The following GIGYF2 variants were observed in gnomAD, a reference collection of about 807,000 sequenced individuals.
GIGYF2 encodes GRB10-interacting GYF protein 2.
GIGYF2 carries 25 observed loss-of-function variants against 208.1 expected under a neutral mutation model. The observed-to-expected ratio is 0.12, with a 90% confidence interval of 0.09 to 0.17. The LOEUF (loss-of-function observed/expected upper bound fraction) is 0.17, where lower values mean the gene tolerates loss of function less well. GIGYF2 is among the 10% of genes least tolerant of loss of function. The pLI is 1.00. For synonymous variants in GIGYF2, 534 were observed against 543.8 expected (o/e 0.98, Z 0.25); for missense variants, 1,302 against 1,579.4 (o/e 0.82, Z 2.98).
At chr2:232,812,041 T>G (rs971024981) in intron 17 of GIGYF2, among the ~76,000 whole-genome samples, 1 of 152,222 alleles carries the variant, frequency 6.6e-6, no homozygotes, top group African/African-American at 2.4e-5. Flanking sequence ...TTTTTCATTA[T>G]AATATGCTGT....
intron 9 of GIGYF2, 53 bp downstream of exon 9, chr2:232,787,382 G>A: frequency 6.9e-7 from 1 of 1,442,650 alleles, no homozygotes; most frequent in South Asian, 1.2e-5. Context: ...GGGAAAGTTT[G>A]ATGGAAATAG....
Position 232,715,085 on chromosome 2 carries a change from C to G in GIGYF2, c.-44+11596C>G, listed in dbSNP as rs537362025. Among the ~76,000 whole-genome samples, 15 of 152,240 alleles carry G rather than the reference C, an allele frequency of 9.9e-5. No individual in the cohort carries two copies. The South Asian group carries it at 1.7e-3, about 17-fold the overall frequency. Reference sequence around the variant, plus strand: ...TTGCTAAGGATAATGGTCTTCAGTTCCATCCATGTTCCTGCAAAGGACATG... The same window carrying G: ...TTGCTAAGGATAATGGTCTTCAGTTGCATCCATGTTCCTGCAAAGGACATG... On this transcript the variant is annotated intron_variant, in intron 2 of 28. Transcript: ENST00000373563.
At chr2:232,808,324 A>T (rs529759450) in intron 15 of GIGYF2, among the ~76,000 whole-genome samples, 1 of 152,362 alleles carries the variant, frequency 6.6e-6, no homozygotes, top group East Asian at 1.9e-4. Context: ...AGAAGCTAAA[A>T]GCTCATCTCT....
intron 28 of GIGYF2, among the ~76,000 whole-genome samples, chr2:232,855,224 T>C (rs1690517477): frequency 6.6e-6 from 1 of 152,004 alleles, no homozygotes; most frequent in African/African-American, 2.4e-5. Context: ...GTAGCTGGGA[T>C]TACAGGCGTG....
intron 3 of GIGYF2, chr2:232,735,931 C>T: frequency 1.0e-6 from 1 of 983,930 alleles, no homozygotes; most frequent in Non-Finnish European, 1.2e-6. Context: ...AAACCTCGGG[C>T]AACCCCTTTG....
chr2:232,729,054 C>T (rs564871493), intron 2 of GIGYF2, among the ~76,000 whole-genome samples: 1 of 152,264 alleles, frequency 6.6e-6, no homozygotes, highest in East Asian at 1.9e-4. Context: ...ACAAGGCTCA[C>T]TGCAGTCTCG....
chr2:232,791,824 C>T (rs1159620744), intron 12 of GIGYF2, among the ~76,000 whole-genome samples: 1 of 152,154 alleles, frequency 6.6e-6, no homozygotes, highest in African/African-American at 2.4e-5. Flanking sequence ...CCAGATGACA[C>T]ACCAAAATGC....
chr2:232,849,676 A>T (rs757431241), intron 27 of GIGYF2, among the ~76,000 whole-genome samples: 33 of 152,228 alleles, frequency 2.2e-4, no homozygotes, highest in Non-Finnish European at 4.0e-4. Context: ...CTGTGCCTTC[A>T]ACTGGCTCAT....
chr2:232,811,189 C>T lies in GIGYF2; in HGVS notation c.1899-55C>T, dbSNP rs60488964. 4.5e-3 allele frequency: 4,046 copies of T among 906,114 alleles called. 126 individuals are homozygous for T. In the African/African-American group the frequency reaches 0.057, roughly 13 times the overall value. 56.1% of individuals were successfully genotyped at this position (906,114 alleles called of 1,614,324 possible). A position where few individuals can be genotyped will look rare whatever the true frequency, so the allele number is the denominator to read the frequency against. The stretch of plus-strand genomic sequence containing the variant: ...TGAACTTTGTCTTTCAGCATCTCAG[C>T]CATGTGAACTAAGTGTGGATTGACA... On this transcript the variant is annotated intron_variant, in intron 16 of 28. Transcript: ENST00000373563.
At chr2:232,813,482 C>CA (rs757028957) in intron 18 of GIGYF2, among the ~76,000 whole-genome samples, 9 of 152,180 alleles carry the variant, frequency 5.9e-5, no homozygotes, top group Non-Finnish European at 1.3e-4. Context: ...GCTGGGATTA[C>CA]AGGTGTGAGC....
At chr2:232,829,835 A>G (rs1464400872) in intron 21 of GIGYF2, among the ~76,000 whole-genome samples, 3 of 152,240 alleles carry the variant, frequency 2.0e-5, no homozygotes, top group African/African-American at 7.2e-5. Flanking sequence ...CAAAACATAA[A>G]TAAAAATCTT....
intron 8 of GIGYF2, among the ~76,000 whole-genome samples, chr2:232,781,676 G>A (rs1388638397): frequency 1.3e-5 from 2 of 152,058 alleles, no homozygotes; most frequent in Non-Finnish European, 2.9e-5. Flanking sequence ...AATGTACCAT[G>A]CATGATTTGT....
chr2:232,746,687 TTTTA>T (rs1452827888), intron 3 of GIGYF2, among the ~76,000 whole-genome samples: 14 of 152,216 alleles, frequency 9.2e-5, no homozygotes, highest in African/African-American at 3.4e-4. Flanking sequence ...GGAGTATATT[TTTTA>T]TTTGTCTTCT....
At chr2:232,765,872 T>C in intron 8 of GIGYF2, 1 of 465,558 alleles carries the variant, frequency 2.1e-6, no homozygotes. Flanking sequence ...TTGTTGAAAC[T>C]GTCATGCTAT....
chr2:232,725,776 G>T (rs1176402306), intron 2 of GIGYF2, among the ~76,000 whole-genome samples: 1 of 152,092 alleles, frequency 6.6e-6, no homozygotes, highest in Non-Finnish European at 1.5e-5. Flanking sequence ...CGTATTCCTT[G>T]TTCATAATGC....
chr2:232,746,831 T>C (rs1287091577), intron 3 of GIGYF2, among the ~76,000 whole-genome samples: 1 of 152,214 alleles, frequency 6.6e-6, no homozygotes, highest in East Asian at 1.9e-4. Context: ...TAAATTGTGA[T>C]AAACACCCAT....
chr2:232,712,817 A>T (rs1696487236), intron 2 of GIGYF2, among the ~76,000 whole-genome samples: 1 of 152,214 alleles, frequency 6.6e-6, no homozygotes, highest in African/African-American at 2.4e-5. Context: ...TTTTTAAAAA[A>T]CGATTTAAAA....
chr2:232,756,774 G>C (rs1384526494), intron 6 of GIGYF2, among the ~76,000 whole-genome samples: 1 of 152,178 alleles, frequency 6.6e-6, no homozygotes, highest in Middle Eastern at 3.2e-3. Context: ...GCCTCATCAG[G>C]ACTAGGACAT....
chr2:232,729,487 A>C, intron 2 of GIGYF2: 1 of 1,122,208 alleles, frequency 8.9e-7, no homozygotes, highest in Admixed American at 2.8e-5. Flanking sequence ...TTAACCTCTC[A>C]AGCTTTTATT....
Sources: gnomAD v4.1 joint callset for allele counts (sites outside exome capture counted in the v4.1 genomes callset) on GRCh38, gnomAD v4.1.1 for gene constraint, MANE v1.5 for transcripts, NCBI Gene and HGNC (gene_info 2026-07-23, HGNC 2026-07-21) for gene names.